The following LARGE1 variants were observed in gnomAD, a reference collection of about 807,000 sequenced individuals.
The protein encoded by LARGE1 is LARGE xylosyl- and glucuronyltransferase 1.
Under a neutral mutation model 87.6 loss-of-function variants are expected in LARGE1, and 43 were observed. The observed-to-expected ratio is 0.49, with a 90% CI of 0.38 to 0.63. LARGE1 has a LOEUF of 0.63. Ranked by LOEUF, LARGE1 falls within the 30% of genes least tolerant of loss-of-function variation. LARGE1 has a pLI of 0.00. For missense variants in LARGE1, 802 were observed against 1,000.2 expected, an observed-to-expected ratio of 0.80 and a Z score of 2.67; for synonymous variants, 434 against 394.6, an observed-to-expected ratio of 1.10 and a Z score of -1.18.
At chr22:33,133,920 T>G in the LARGE1 span, among the ~76,000 whole-genome samples, 1 of 152,214 alleles carries the variant, frequency 6.6e-6, no homozygotes, top group Admixed American at 6.5e-5. Context: ...AAGCCTTCAA[T>G]ATATTATTTT....
chr22:33,359,392 T>C (rs1021062956), intron 9 of LARGE1, among the ~76,000 whole-genome samples: 1 of 152,070 alleles, frequency 6.6e-6, no homozygotes, highest in Non-Finnish European at 1.5e-5. Context: ...TTGGGAAGAT[T>C]AAGTGAGGTC....
intron 1 of LARGE1, among the ~76,000 whole-genome samples, chr22:33,877,885 C>T (rs1339519504): frequency 6.6e-6 from 1 of 151,542 alleles, no homozygotes. Context: ...TCATGCCACT[C>T]CACTCCAGCC....
intron 11 of LARGE1, among the ~76,000 whole-genome samples, chr22:33,226,915 G>GTTT (rs1925768459): frequency 6.6e-6 from 1 of 151,992 alleles, no homozygotes; most frequent in Non-Finnish European, 1.5e-5. Flanking sequence ...ATTTTTAGTA[G>GTTT]AGACGGGGTT....
intron 12 of LARGE1, among the ~76,000 whole-genome samples, chr22:33,300,761 C>T (rs1287430254): frequency 6.6e-6 from 1 of 152,086 alleles, no homozygotes; most frequent in African/African-American, 2.4e-5. Flanking sequence ...AGGATGGTCT[C>T]GATCTTCTGA....
At chr22:33,717,823 T>C (rs1373129574) in intron 2 of LARGE1, among the ~76,000 whole-genome samples, 1 of 152,222 alleles carries the variant, frequency 6.6e-6, no homozygotes, top group Non-Finnish European at 1.5e-5. Context: ...TCAAATGCAT[T>C]CTGCCAAAGT....
intron 1 of LARGE1, 61 bp from the exon 2 acceptor site, chr22:33,761,619 T>C (rs2084734064): frequency 1.4e-6 from 1 of 716,490 alleles, no homozygotes; most frequent in Admixed American, 2.0e-5. Context: ...GTGTAAGTTA[T>C]GGAAGAGAAA....
At position 33,402,789 on chromosome 22, in the gene LARGE1, C is replaced by T. The variant is rs113798020; in HGVS notation, c.893-18485G>A. 3.5e-3 allele frequency among the ~76,000 whole-genome samples: 535 copies of T among 152,282 alleles called. 3 individuals are homozygous for T. Among genetic ancestry groups the T allele is most frequent in the African/African-American group, 0.012 (502 of 41,554 alleles). ...TGACCTGTAGGCACTGAATTCACCA[C>T]TCACTGTGACCCAGAGGCAGAACAA... On this transcript the variant is annotated intron_variant, in intron 7 of 14. Coordinates refer to ENST00000397394, the MANE Select transcript of LARGE1 (RefSeq NM_133642.5).
chr22:33,374,189 C>T (rs1342754827), intron 9 of LARGE1, among the ~76,000 whole-genome samples: 1 of 152,060 alleles, frequency 6.6e-6, no homozygotes, highest in Non-Finnish European at 1.5e-5. Context: ...GGTATACATT[C>T]CTAACCTTGG....
chr22:33,357,268 AC>A (rs1940981273), intron 9 of LARGE1, among the ~76,000 whole-genome samples: 2 of 151,842 alleles, frequency 1.3e-5, no homozygotes, highest in Admixed American at 1.3e-4. Context: ...CTAAATAACT[AC>A]ATGTTCTCAT....
chr22:33,770,668 G>C (rs2085039228), intron 1 of LARGE1, among the ~76,000 whole-genome samples: 1 of 152,098 alleles, frequency 6.6e-6, no homozygotes, highest in Non-Finnish European at 1.5e-5. Context: ...CTGGGCAACA[G>C]AGTGAGACCC....
intron 11 of LARGE1, among the ~76,000 whole-genome samples, chr22:33,214,207 T>C (rs1425757783): frequency 6.6e-6 from 1 of 152,158 alleles, no homozygotes; most frequent in Non-Finnish European, 1.5e-5. Flanking sequence ...TCAAGGTGTT[T>C]ACATGGTTCC....
At chr22:33,138,885 C>A in the LARGE1 span, among the ~76,000 whole-genome samples, 4 of 152,232 alleles carry the variant, frequency 2.6e-5, no homozygotes, top group East Asian at 7.7e-4. Context: ...GCTGTGTCCC[C>A]ACCCAAATCT....
intron 2 of LARGE1, among the ~76,000 whole-genome samples, chr22:33,677,740 C>T (rs1377078778): frequency 7.7e-6 from 1 of 130,494 alleles, no homozygotes. Flanking sequence ...GTACCATTGC[C>T]CTGAGTCAGC....
intron 9 of LARGE1, among the ~76,000 whole-genome samples, chr22:33,354,202 A>G (rs1176624059): frequency 6.6e-6 from 1 of 152,268 alleles, no homozygotes. Flanking sequence ...GAAACTCTGA[A>G]ACAGGATAGA....
At chr22:33,313,311 T>C (rs978963162) in intron 11 of LARGE1, among the ~76,000 whole-genome samples, 2 of 152,276 alleles carry the variant, frequency 1.3e-5, no homozygotes, top group African/African-American at 2.4e-5. Flanking sequence ...ACTCAGGTAC[T>C]ACCTCCCCTC....
At chr22:33,588,316 G>A (rs1278919586) in intron 5 of LARGE1, among the ~76,000 whole-genome samples, 2 of 152,216 alleles carry the variant, frequency 1.3e-5, no homozygotes, top group Non-Finnish European at 2.9e-5. Context: ...CAGGTGGAAA[G>A]ATAACCTATA....
intron 7 of LARGE1, among the ~76,000 whole-genome samples, chr22:33,389,762 T>C (rs1387578696): frequency 6.6e-6 from 1 of 152,124 alleles, no homozygotes; most frequent in Non-Finnish European, 1.5e-5. Context: ...GGAGAATCAC[T>C]TGAACCTGGG....
intron 11 of LARGE1, among the ~76,000 whole-genome samples, chr22:33,209,021 G>T (rs1371557228): frequency 6.6e-6 from 1 of 152,170 alleles, no homozygotes; most frequent in Non-Finnish European, 1.5e-5. Context: ...GAATAGTGCT[G>T]CAATAAATAT....
intron 2 of LARGE1, among the ~76,000 whole-genome samples, chr22:33,671,929 TCTC>T (rs2081427273): frequency 1.3e-5 from 2 of 152,232 alleles, no homozygotes; most frequent in African/African-American, 4.8e-5. Context: ...TGACAATTCA[TCTC>T]CTAAAACATT....
Sources: gnomAD v4.1 joint callset for allele counts (sites outside exome capture counted in the v4.1 genomes callset) on GRCh38, gnomAD v4.1.1 for gene constraint, MANE v1.5 for transcripts, NCBI Gene and HGNC (gene_info 2026-07-23, HGNC 2026-07-21) for gene names.